The following GALNT13 variants were observed in gnomAD, a reference collection of about 807,000 sequenced individuals.
GALNT13 encodes the protein UDP-GalNAc:polypeptide N-acetylgalactosaminyltransferase 13.
Under a neutral mutation model 64.2 loss-of-function variants are expected in GALNT13, and 28 were observed. The observed-to-expected ratio is 0.44, with a 90% confidence interval of 0.32 to 0.60. The LOEUF (loss-of-function observed/expected upper bound fraction) is 0.60, where lower values mean the gene tolerates loss of function less well. Among genes scored for constraint, GALNT13 ranks in the 20% least tolerant of loss-of-function variants. GALNT13 has a pLI of 0.05. For missense variants in GALNT13, 577 were observed against 669.8 expected, an observed-to-expected ratio of 0.86 and a Z score of 1.53; for synonymous variants, 214 against 224.6, an observed-to-expected ratio of 0.95 and a Z score of 0.42.
chr2:153,494,707 T>A, the GALNT13 span, among the ~76,000 whole-genome samples: 1 of 152,012 alleles, frequency 6.6e-6, no homozygotes. Flanking sequence ...GGCAAAGGTT[T>A]CTATGAAAGG....
intron 7 of GALNT13, among the ~76,000 whole-genome samples, chr2:154,247,302 A>G (rs1689833386): frequency 6.6e-6 from 1 of 152,050 alleles, no homozygotes; most frequent in Non-Finnish European, 1.5e-5. Flanking sequence ...ACAAACTGGG[A>G]AAATATAGTG....
At chr2:153,575,045 T>G in the GALNT13 span, among the ~76,000 whole-genome samples, 1 of 152,172 alleles carries the variant, frequency 6.6e-6, no homozygotes. Context: ...AGGACTTGAG[T>G]GTTGTGAACT....
At chr2:153,929,242 C>T (rs900909793) in intron 2 of GALNT13, among the ~76,000 whole-genome samples, 2 of 152,214 alleles carry the variant, frequency 1.3e-5, no homozygotes, top group Admixed American at 6.5e-5. Context: ...AATGTGAGGT[C>T]GAGTGGGCCA....
the GALNT13 span, among the ~76,000 whole-genome samples, chr2:153,318,881 T>A: frequency 2.6e-5 from 4 of 152,222 alleles, no homozygotes; most frequent in East Asian, 3.8e-4. Context: ...GGCTGTGTTA[T>A]CTTTTATTTT....
the GALNT13 span, among the ~76,000 whole-genome samples, chr2:153,640,694 A>G: frequency 6.6e-6 from 1 of 152,058 alleles, no homozygotes. Flanking sequence ...AGGCGGGAGG[A>G]TCACCTGAGC....
At chr2:153,899,931 ATATAT>A (rs1320923608) in intron 1 of GALNT13, among the ~76,000 whole-genome samples, 71 of 102,534 alleles carry the variant, frequency 6.9e-4, no homozygotes, top group African/African-American at 2.2e-3. Context: ...ATATATATAT[ATATAT>A]TTTTTTTTTT....
At chr2:153,282,612 C>T in the GALNT13 span, among the ~76,000 whole-genome samples, 2 of 152,118 alleles carry the variant, frequency 1.3e-5, no homozygotes, top group Admixed American at 6.5e-5. Context: ...GATAGGGTTT[C>T]ACCATGTTGC....
chr2:154,196,277 TAGTC>T (rs1458101228), intron 4 of GALNT13, among the ~76,000 whole-genome samples: 4 of 151,890 alleles, frequency 2.6e-5, no homozygotes, highest in Non-Finnish European at 5.9e-5. Flanking sequence ...GATCAAACCA[TAGTC>T]AGAGAACTCT....
the GALNT13 span, among the ~76,000 whole-genome samples, chr2:153,426,657 G>T: frequency 6.6e-6 from 1 of 152,002 alleles, no homozygotes; most frequent in South Asian, 2.1e-4. Context: ...ACCCAAATCT[G>T]GTGTACATTT....
the GALNT13 span, among the ~76,000 whole-genome samples, chr2:153,502,367 C>T: frequency 6.6e-6 from 1 of 152,232 alleles, no homozygotes; most frequent in Non-Finnish European, 1.5e-5. Flanking sequence ...AGTTACTTCA[C>T]TTAGAATAAC....
At chr2:153,669,760 T>A in the GALNT13 span, among the ~76,000 whole-genome samples, 2 of 152,080 alleles carry the variant, frequency 1.3e-5, no homozygotes. Context: ...GATTTCCTTT[T>A]CATAGTCAAG....
At chr2:153,625,011 T>C in the GALNT13 span, among the ~76,000 whole-genome samples, 1 of 152,038 alleles carries the variant, frequency 6.6e-6, no homozygotes, top group Non-Finnish European at 1.5e-5. Context: ...CAGAATAGAA[T>C]TGATGTATTT....
At chr2:154,041,919 G>A (rs1699004674) in intron 3 of GALNT13, among the ~76,000 whole-genome samples, 1 of 140,100 alleles carries the variant, frequency 7.1e-6, no homozygotes, top group African/African-American at 2.4e-5. Flanking sequence ...ATTGAACCGA[G>A]ATATGATTTT....
At chr2:153,365,954 C>A in the GALNT13 span, among the ~76,000 whole-genome samples, 1 of 152,124 alleles carries the variant, frequency 6.6e-6, no homozygotes, top group Non-Finnish European at 1.5e-5. Flanking sequence ...ACGTTGATTG[C>A]AGCACTATTT....
the GALNT13 span, among the ~76,000 whole-genome samples, chr2:153,850,178 A>T: frequency 1.4e-5 from 2 of 141,142 alleles, no homozygotes; most frequent in African/African-American, 2.7e-5. Context: ...GACTCCGTCT[A>T]AAAAAAAAAA....
the GALNT13 span, among the ~76,000 whole-genome samples, chr2:153,721,283 G>A: frequency 6.8e-6 from 1 of 146,764 alleles, no homozygotes. Context: ...TCACCACCAG[G>A]CCTGCCCTAA....
At chr2:153,905,169 A>T (rs1688473994) in intron 2 of GALNT13, among the ~76,000 whole-genome samples, 1 of 151,956 alleles carries the variant, frequency 6.6e-6, no homozygotes, top group African/African-American at 2.4e-5. Context: ...GTTAACAAGA[A>T]TAATTGTTTA....
intron 12 of GALNT13, among the ~76,000 whole-genome samples, chr2:154,442,001 A>G (rs1701321325): frequency 6.6e-6 from 1 of 152,114 alleles, no homozygotes; most frequent in Admixed American, 6.6e-5. Flanking sequence ...TTTCTACTAC[A>G]CTACATTGCC....
intron 9 of GALNT13, among the ~76,000 whole-genome samples, chr2:154,326,120 A>G (rs1694863776): frequency 6.6e-6 from 1 of 152,118 alleles, no homozygotes; most frequent in African/African-American, 2.4e-5. Flanking sequence ...TTTTAACAAG[A>G]TCTCTGGTGA....
Sources: gnomAD v4.1 joint callset for allele counts (sites outside exome capture counted in the v4.1 genomes callset) on GRCh38, gnomAD v4.1.1 for gene constraint, MANE v1.5 for transcripts, NCBI Gene and HGNC (gene_info 2026-07-23, HGNC 2026-07-21) for gene names.